The following ERC1 variants were observed in gnomAD, a reference collection of about 807,000 sequenced individuals.
ERC1 encodes ELKS/RAB6-interacting/CAST family member 1.
ERC1 carries 56 observed loss-of-function variants against 132.0 expected under a neutral mutation model. The observed-to-expected ratio is 0.42, with a 90% CI of 0.34 to 0.53. ERC1 has a LOEUF of 0.53. Among genes scored for constraint, ERC1 ranks in the 20% least tolerant of loss-of-function variants. ERC1 has a pLI of 0.03. For synonymous variants in ERC1, 478 were observed against 476.1 expected, an observed-to-expected ratio of 1.00 and a Z score of -0.05; for missense variants, 1,202 against 1,349.9, an observed-to-expected ratio of 0.89 and a Z score of 1.72.
At chr12:1,344,885 C>CA (rs1345447358) in intron 15 of ERC1, among the ~76,000 whole-genome samples, 1 of 152,138 alleles carries the variant, frequency 6.6e-6, no homozygotes, top group Non-Finnish European at 1.5e-5. Flanking sequence ...TGTCCAGCTC[C>CA]AGAACACATG....
rs562011425 is a variant in ERC1, at chr12:1,125,910, A to G, written c.1569+9877A>G. ...GGAGTTACAAAAAGACAAATACTAC[A>G]TATGATTCCACTTGTCATACCTAGA... On this transcript the variant is annotated intron_variant, in intron 7 of 18. Transcript: ENST00000360905. 3.3e-5 allele frequency among the ~76,000 whole-genome samples: 5 copies of G among 152,322 alleles called. No individual in the cohort carries two copies. In the East Asian group the frequency reaches 9.6e-4, roughly 29 times the overall value.
chr12:1,183,066 GT>G (rs1954661099), intron 10 of ERC1, among the ~76,000 whole-genome samples: 1 of 152,138 alleles, frequency 6.6e-6, no homozygotes, highest in Non-Finnish European at 1.5e-5. Context: ...TTACATCACT[GT>G]TCAATGGGTA....
chr12:1,155,234 G>A (rs570073231), intron 8 of ERC1, among the ~76,000 whole-genome samples: 39 of 148,758 alleles, frequency 2.6e-4, no homozygotes, highest in Middle Eastern at 3.5e-3. Context: ...GCTGAGACAC[G>A]AGAATTGCTT....
intron 18 of ERC1, among the ~76,000 whole-genome samples, chr12:1,483,410 G>A (rs1440057182): frequency 2.0e-5 from 3 of 152,140 alleles, no homozygotes; most frequent in Admixed American, 6.5e-5. Context: ...ATAATGTCAC[G>A]TGTCAGAACT....
intron 2 of ERC1, among the ~76,000 whole-genome samples, chr12:1,042,238 C>T (rs950327419): frequency 1.5e-4 from 23 of 151,638 alleles, no homozygotes; most frequent in African/African-American, 4.4e-4. Context: ...GGGGTTTCAC[C>T]GTGTTAGCTA....
intron 14 of ERC1, among the ~76,000 whole-genome samples, chr12:1,265,425 C>A (rs2077414975): frequency 6.6e-6 from 1 of 152,170 alleles, no homozygotes; most frequent in African/African-American, 2.4e-5. Context: ...GGTTAATAGA[C>A]TTCGCAGTTT....
chr12:1,432,567 T>G (rs1266470222), intron 17 of ERC1, among the ~76,000 whole-genome samples: 2 of 152,268 alleles, frequency 1.3e-5, no homozygotes, highest in African/African-American at 4.8e-5. Context: ...ATTCCCAGTT[T>G]ACAGATGACA....
intron 1 of ERC1, among the ~76,000 whole-genome samples, chr12:1,011,756 A>G (rs942755491): frequency 6.6e-6 from 1 of 152,136 alleles, no homozygotes; most frequent in Non-Finnish European, 1.5e-5. Context: ...TGGTTAGCCT[A>G]GCTAACATGG....
intron 15 of ERC1, among the ~76,000 whole-genome samples, chr12:1,298,343 A>T (rs1301078251): frequency 1.3e-5 from 2 of 152,110 alleles, no homozygotes; most frequent in East Asian, 3.9e-4. Context: ...GGAGTTTGAG[A>T]CCAGCTTGGC....
chr12:1,489,876 T>C (rs935985479), intron 18 of ERC1, among the ~76,000 whole-genome samples: 3 of 152,208 alleles, frequency 2.0e-5, no homozygotes, highest in African/African-American at 7.2e-5. Flanking sequence ...TCTGCAAAAA[T>C]GATCAGCTTT....
rs1298686044 is a variant in ERC1 at position 1,028,261 on chromosome 12, A to G, written c.358A>G (p.Ser120Gly). ...CAATATAGCTAGCAGTGGGGTTGCT[A>G]GTGACACCATAGCATTTGGAGAGCA... ...SPNIASSGVA[S>G]DTIAFGEHHL... The change falls in exon 2 of 19, where the codon AGT becomes GGT. Residue 120 changes from serine to glycine, a missense_variant. Transcript: ENST00000360905. 2 of 1,614,134 alleles carry G rather than the reference A, an allele frequency of 1.2e-6. No homozygotes were observed.
chr12:1,307,588 C>T (rs1247708682), intron 15 of ERC1, among the ~76,000 whole-genome samples: 6 of 152,176 alleles, frequency 3.9e-5, no homozygotes, highest in Non-Finnish European at 5.9e-5. Flanking sequence ...AAACCTAAGA[C>T]GGTTCCAGAG....
Position 1,490,368 on chromosome 12 carries a change from TC to T in ERC1, c.*140del. 1.3e-6 allele frequency: 1 copy of T among 798,924 alleles called. No individual in the cohort carries two copies. Among genetic ancestry groups the T allele is most frequent in the Non-Finnish European group, 1.9e-6 (1 of 513,310 alleles). 49.5% of individuals were successfully genotyped at this position (798,924 alleles called of 1,614,324 possible). On this transcript the variant is annotated 3_prime_UTR_variant, in exon 19 of 19. Transcript: ENST00000360905. The stretch of plus-strand genomic sequence containing the variant: ...ACTTGCTCACTTGAAGAAGTGTGAT[TC>T]CAGCACCGTTTCTACATCTGCCATC...
At chr12:1,445,868 G>A (rs1347790357) in intron 18 of ERC1, among the ~76,000 whole-genome samples, 4 of 152,176 alleles carry the variant, frequency 2.6e-5, no homozygotes, top group African/African-American at 9.7e-5. Flanking sequence ...CATTCAGGTA[G>A]CTAAAACAAA....
intron 12 of ERC1, among the ~76,000 whole-genome samples, chr12:1,192,623 G>A (rs1007264106): frequency 2.0e-5 from 3 of 152,148 alleles, no homozygotes; most frequent in Non-Finnish European, 2.9e-5. Flanking sequence ...AGCCAGTCTC[G>A]TGCAAATTGT....
At chr12:1,440,133 A>G (rs926822276) in intron 17 of ERC1, among the ~76,000 whole-genome samples, 1 of 152,112 alleles carries the variant, frequency 6.6e-6, no homozygotes, top group Non-Finnish European at 1.5e-5. Flanking sequence ...TTTTCTTTGT[A>G]AAATGAGTTT....
chr12:1,214,661 T>TACACACAC (rs775294140), intron 12 of ERC1, among the ~76,000 whole-genome samples: 2 of 118,064 alleles, frequency 1.7e-5, no homozygotes, highest in African/African-American at 1.0e-4. Context: ...CGTGTGTGTA[T>TACACACAC]ACATACACAC....
intron 7 of ERC1, among the ~76,000 whole-genome samples, chr12:1,131,749 C>G (rs1388841115): frequency 2.0e-5 from 3 of 152,178 alleles, no homozygotes; most frequent in African/African-American, 7.2e-5. Context: ...CAGGTGTGAG[C>G]CACCGCGCCC....
intron 3 of ERC1, among the ~76,000 whole-genome samples, chr12:1,101,352 G>T (rs1022670558): frequency 4.6e-5 from 7 of 152,158 alleles, no homozygotes; most frequent in African/African-American, 1.7e-4. Context: ...CTTTAGTGAT[G>T]ACAGTGCTGC....
Sources: allele counts gnomAD v4.1 joint callset (sites outside exome capture counted in the v4.1 genomes callset), GRCh38; gene constraint gnomAD v4.1.1; transcripts MANE v1.5; gene names NCBI Gene and HGNC (gene_info 2026-07-23, HGNC 2026-07-21).